SNRNP48: variants seen among roughly 807,000 people sequenced by gnomAD.
SNRNP48 encodes the protein small nuclear ribonucleoprotein U11/U12 subunit 48, also known as U11/U12 small nuclear ribonucleoprotein 48 kDa protein.
Under a neutral mutation model 47.0 loss-of-function variants are expected in SNRNP48, and 43 were observed. That is an observed-to-expected ratio of 0.92 (90% CI 0.72 to 1.18). The LOEUF is 1.18. SNRNP48 is among the 50% of genes most tolerant of loss of function. The probability of loss-of-function intolerance (pLI) is 0.00; values close to 1 mark genes in which losing one functional copy is unlikely to be tolerated. For missense variants in SNRNP48, 396 were observed against 422.2 expected (o/e 0.94, Z 0.54); for synonymous variants, 138 against 144.0 (o/e 0.96, Z 0.30).
Position 7,606,173 on chromosome 6 carries a change from G to C in SNRNP48, c.949G>C (p.Glu317Gln). Residue 317 changes from glutamate (E) to glutamine (Q), a missense_variant, in exon 8 of 9, where the codon GAG becomes CAG. Coordinates refer to ENST00000342415, the MANE Select transcript of SNRNP48 (RefSeq NM_152551.4). ...KRNKDKDKNCESRRRKERDGE... is the reference protein window; with the variant it reads ...KRNKDKDKNCQSRRRKERDGE... The stretch of plus-strand genomic sequence containing the variant: ...AAACAAAGATAAGGATAAAAACTGT[G>C]AGTCGAGAAGAAGGAAAGAGAGGTG... 6.2e-7 allele frequency: 1 copy of C among 1,611,122 alleles called. No homozygotes were observed. The highest frequency in any genetic ancestry group is 2.2e-5 in the East Asian group (1 of 44,838).
At position 7,610,503 on chromosome 6, in the gene SNRNP48, A is replaced by C. The variant is rs1472529352; in HGVS notation, c.*1630A>C. 1.3e-5 allele frequency: 2 copies of C among 152,202 alleles called. No homozygotes were observed. The highest frequency in any genetic ancestry group is 2.4e-5 in the African/African-American group (1 of 41,456). 9.4% of individuals were successfully genotyped at this position (152,202 alleles called of 1,614,324 possible). The stretch of plus-strand genomic sequence containing the variant: ...AACTACTTGAATCATCAGGAATTTC[A>C]TATTTTTCATATTGTGTGACAACTT... On this transcript the variant is annotated 3_prime_UTR_variant, in exon 9 of 9. Transcript: ENST00000342415.
chr6:7,607,309 C>T (rs879481819), intron 8 of SNRNP48, among the ~76,000 whole-genome samples: 2 of 152,074 alleles, frequency 1.3e-5, no homozygotes, highest in Non-Finnish European at 2.9e-5. Context: ...CAAAGTGAGA[C>T]CCTGTCTCAA....
chr6:7,595,325 T>C (rs182663678), intron 4 of SNRNP48, among the ~76,000 whole-genome samples: 71 of 152,288 alleles, frequency 4.7e-4, no homozygotes, highest in African/African-American at 1.6e-3. Context: ...TAGCTAGGGG[T>C]TCATCCTTTG....
At chr6:7,594,892 G>C (rs1759875337) in intron 3 of SNRNP48, 135 bp from the exon 4 acceptor site, 1 of 658,838 alleles carries the variant, frequency 1.5e-6, no homozygotes, top group Admixed American at 3.6e-5. Flanking sequence ...TTCATAGACA[G>C]GGATGTGGAT....
At position 7,599,260 on chromosome 6, in the gene SNRNP48, G is replaced by A. The variant is rs1759967682; in HGVS notation, c.407-2076G>A. ...TTATATGTTTAAGATCCCCTTTGAT[G>A]ACAAAAGTAACAAGAATGAGAATTG... On this transcript the variant is annotated intron_variant, in intron 4 of 8. Transcript: ENST00000342415. Among the ~76,000 whole-genome samples the A allele has an allele frequency of 2.0e-5, 3 of 152,110 alleles. No homozygotes were observed. The South Asian group carries it at 6.2e-4, about 31-fold the overall frequency.
Position 7,605,586 on chromosome 6 carries a change from G to A in SNRNP48, c.806+100G>A, listed in dbSNP as rs1760111662. 3.0e-5 allele frequency: 32 copies of A among 1,074,300 alleles called. No individual in the cohort carries two copies. The East Asian group carries it at 8.2e-4, about 27-fold the overall frequency. 66.5% of individuals were successfully genotyped at this position (1,074,300 alleles called of 1,614,324 possible). A position where few individuals can be genotyped will look rare whatever the true frequency, so the allele number is the denominator to read the frequency against. On this transcript the variant is annotated intron_variant, in intron 7 of 8. Coordinates refer to ENST00000342415, the MANE Select transcript of SNRNP48 (RefSeq NM_152551.4). Reference sequence around the variant, plus strand: ...TTTAGCATTTCCAAAACCCTTGATAGCACACAGTAAACTCGTGAAAATGCT... The same window carrying A: ...TTTAGCATTTCCAAAACCCTTGATAACACACAGTAAACTCGTGAAAATGCT...
intron 4 of SNRNP48, chr6:7,599,679 G>T: frequency 1.6e-6 from 2 of 1,280,944 alleles, no homozygotes; most frequent in Non-Finnish European, 1.0e-6. Flanking sequence ...TCAGTAATTG[G>T]GGTGAGTATA....
At position 7,590,205 on chromosome 6, in the gene SNRNP48, T is replaced by G; in HGVS notation, c.-53T>G. On this transcript the variant is annotated 5_prime_UTR_variant, in exon 1 of 9. Transcript: ENST00000342415. ...GCCCCGCCCACAGCTCCCAGAGGCC[T>G]GCGCGTGCGGTCTGCAGTTCGGCCG... 7.9e-7 allele frequency: 1 copy of G among 1,264,510 alleles called. No homozygotes were observed. Among genetic ancestry groups the G allele is most frequent in the Non-Finnish European group, 1.0e-6 (1 of 997,264 alleles). 78.3% of individuals were successfully genotyped at this position (1,264,510 alleles called of 1,614,324 possible).
chr6:7,605,404 C>T lies in SNRNP48; in HGVS notation c.724C>T (p.Arg242Ter), dbSNP rs149913039. 2 of 1,613,748 alleles carry T rather than the reference C, an allele frequency of 1.2e-6. No individual in the cohort carries two copies. The highest frequency in any genetic ancestry group is 2.2e-5 in the East Asian group (1 of 44,868). ...ITKKSYTEVI[R>*]DVINVHMEEL... Reference sequence around the variant, plus strand: ...GGTGCTTACCTCTCCCAAGGTGATTCGAGATGTGATAAATGTGCACATGGA... The same window carrying T: ...GGTGCTTACCTCTCCCAAGGTGATTTGAGATGTGATAAATGTGCACATGGA... Residue 242 changes from arginine to a stop codon, truncating the protein, a stop_gained, in exon 7 of 9, where the codon CGA (arginine) becomes TGA (stop). Coordinates refer to ENST00000342415, the MANE Select transcript of SNRNP48 (RefSeq NM_152551.4). LOFTEE classifies it high-confidence loss of function.
intron 4 of SNRNP48, among the ~76,000 whole-genome samples, chr6:7,596,953 G>T (rs1298308014): frequency 6.6e-6 from 1 of 152,188 alleles, no homozygotes; most frequent in Non-Finnish European, 1.5e-5. Flanking sequence ...ATCTAATCCA[G>T]TGTCTGCATT....
Position 7,595,008 on chromosome 6 carries a change from A to AT in SNRNP48, c.332-6dup, listed in dbSNP as rs748245147. 0.034 allele frequency: 40,270 copies of AT among 1,187,238 alleles called. 21 individuals carry two copies. The highest frequency in any genetic ancestry group is 0.07 in the South Asian group (4,707 of 67,328). The allele number at this position is 1,187,238 out of a possible 1,614,324, so 73.5% of individuals were successfully genotyped here. A position where few individuals can be genotyped will look rare whatever the true frequency, so the allele number is the denominator to read the frequency against. On this transcript the variant is annotated intron_variant, in intron 3 of 8. Coordinates refer to ENST00000342415, the MANE Select transcript of SNRNP48 (RefSeq NM_152551.4). ...CTGATGATTCATATTGTATTTATGG[A>AT]TTTTTTTTTTTTTGACAGATAAGGA...
chr6:7,593,613 G>C (rs935070375), intron 1 of SNRNP48, 121 bp from the exon 2 acceptor site: 3 of 509,226 alleles, frequency 5.9e-6, no homozygotes, highest in Non-Finnish European at 3.3e-6. Flanking sequence ...GGTTGAGAGA[G>C]GCCTGTAGAA....
chr6:7,598,021 C>A (rs949696565), intron 4 of SNRNP48, among the ~76,000 whole-genome samples: 1 of 151,686 alleles, frequency 6.6e-6, no homozygotes, highest in African/African-American at 2.4e-5. Context: ...CCTGCCACCA[C>A]GCCTGGCTAA....
intron 8 of SNRNP48, 104 bp from the exon 9 acceptor site, chr6:7,608,721 C>A: frequency 7.1e-6 from 3 of 421,588 alleles, no homozygotes; most frequent in Non-Finnish European, 1.3e-5. Flanking sequence ...GTTAAAGTAG[C>A]ATATTACTGT....
intron 6 of SNRNP48, among the ~76,000 whole-genome samples, chr6:7,602,987 A>G (rs993668141): frequency 6.6e-6 from 1 of 152,196 alleles, no homozygotes; most frequent in African/African-American, 2.4e-5. Flanking sequence ...AGAAAGTAGT[A>G]GTGTATCATG....
chr6:7,605,250 T>C (rs908290601), intron 6 of SNRNP48, 148 bp from the exon 7 acceptor site: 4 of 609,862 alleles, frequency 6.6e-6, no homozygotes, highest in Non-Finnish European at 1.2e-5. Context: ...TTGCCTTTTC[T>C]GTGTTCTCTA....
intron 4 of SNRNP48, among the ~76,000 whole-genome samples, chr6:7,597,865 C>CTTTTTTT (rs148304945): frequency 8.1e-6 from 1 of 123,408 alleles, no homozygotes; most frequent in African/African-American, 3.1e-5. Context: ...TAACCGTAAC[C>CTTTTTTT]TTTTTTTTTT....
intron 8 of SNRNP48, among the ~76,000 whole-genome samples, chr6:7,608,143 C>T (rs1760166474): frequency 6.6e-6 from 1 of 152,040 alleles, no homozygotes; most frequent in Non-Finnish European, 1.5e-5. Flanking sequence ...ATATCCAACC[C>T]TGGGGTGGAC....
At chr6:7,597,476 T>C (rs1759923760) in intron 4 of SNRNP48, among the ~76,000 whole-genome samples, 1 of 152,218 alleles carries the variant, frequency 6.6e-6, no homozygotes, top group Admixed American at 6.5e-5. Flanking sequence ...ATATTAATGA[T>C]GATAACTGAG....
Sources: gnomAD v4.1 joint callset for allele counts (sites outside exome capture counted in the v4.1 genomes callset) on GRCh38, gnomAD v4.1.1 for gene constraint, MANE v1.5 for transcripts, NCBI Gene and HGNC (gene_info 2026-07-23, HGNC 2026-07-21) for gene names.